DPP6: variants seen among roughly 807,000 people sequenced by gnomAD.
The protein encoded by DPP6 is A-type potassium channel modulatory protein DPP6.
DPP6 carries 69 observed loss-of-function variants against 122.6 expected under a neutral mutation model. That is an observed-to-expected ratio of 0.56 (90% CI 0.46 to 0.69). The LOEUF (loss-of-function observed/expected upper bound fraction) is 0.69, where lower values mean the gene tolerates loss of function less well. Ranked by LOEUF, DPP6 falls within the 30% of genes least tolerant of loss-of-function variation. DPP6 has a pLI of 0.00. For missense variants in DPP6, 928 were observed against 1,116.9 expected, an observed-to-expected ratio of 0.83 and a Z score of 2.41; for synonymous variants, 418 against 433.1, an observed-to-expected ratio of 0.97 and a Z score of 0.43.
intron 1 of DPP6, among the ~76,000 whole-genome samples, chr7:154,273,186 C>G (rs1022296720): frequency 3.3e-5 from 5 of 152,120 alleles, no homozygotes; most frequent in Non-Finnish European, 7.4e-5. Flanking sequence ...TTGCAATTCC[C>G]AATAATGTAG....
intron 1 of DPP6, among the ~76,000 whole-genome samples, chr7:154,331,067 C>T (rs947411787): frequency 6.6e-6 from 1 of 152,184 alleles, no homozygotes; most frequent in African/African-American, 2.4e-5. Context: ...CAGTCATCTC[C>T]CCTCCGACAA....
At chr7:154,417,256 T>C (rs1329773706) in intron 1 of DPP6, among the ~76,000 whole-genome samples, 3 of 152,214 alleles carry the variant, frequency 2.0e-5, no homozygotes, top group Non-Finnish European at 4.4e-5. Context: ...CTGTCTGTGG[T>C]TGCAATGCTT....
rs144559628 is a variant in DPP6, at chr7:154,324,492, C to T, written c.244-121722C>T. Among the ~76,000 whole-genome samples the T allele has an allele frequency of 1.0e-3, 157 of 152,298 alleles. 2 individuals carry two copies. In the East Asian group the frequency reaches 0.02, roughly 19 times the overall value. On this transcript the variant is annotated intron_variant, in intron 1 of 25. Coordinates refer to ENST00000377770, the MANE Select transcript of DPP6 (RefSeq NM_130797.4). The stretch of plus-strand genomic sequence containing the variant: ...TCAGCTTGACTTCTTCCTCTTACCA[C>T]GGGGTGACCCCGGTGTGATCTCCCC...
chr7:154,386,852 C>T (rs1234750206), intron 1 of DPP6, among the ~76,000 whole-genome samples: 2 of 152,194 alleles, frequency 1.3e-5, no homozygotes, highest in Non-Finnish European at 2.9e-5. Flanking sequence ...GATGAAGCAC[C>T]CCGTGGGTGA....
intron 1 of DPP6, among the ~76,000 whole-genome samples, chr7:153,929,981 A>C (rs1801099287): frequency 6.6e-6 from 1 of 152,214 alleles, no homozygotes; most frequent in Non-Finnish European, 1.5e-5. Context: ...TTAATGGGAA[A>C]GTTCCTATCC....
At chr7:154,315,263 G>A (rs895186853) in intron 1 of DPP6, among the ~76,000 whole-genome samples, 1 of 152,182 alleles carries the variant, frequency 6.6e-6, no homozygotes, top group Non-Finnish European at 1.5e-5. Flanking sequence ...GAGTGTGAGG[G>A]AGAGGAATCC....
At chr7:154,572,585 C>T (rs1381284068) in intron 5 of DPP6, among the ~76,000 whole-genome samples, 2 of 131,720 alleles carry the variant, frequency 1.5e-5, no homozygotes, top group South Asian at 2.4e-4. Flanking sequence ...GGCGTGATCT[C>T]GACTCACTGC....
At chr7:154,257,287 A>C (rs1323695025) in intron 1 of DPP6, among the ~76,000 whole-genome samples, 3 of 151,752 alleles carry the variant, frequency 2.0e-5, no homozygotes, top group Admixed American at 2.0e-4. Context: ...GTTGTAATGA[A>C]ACTTCTCGAT....
At chr7:154,051,479 G>A (rs1192284391), upstream of DPP6, among the ~76,000 whole-genome samples, 2 of 150,280 alleles carry the variant, frequency 1.3e-5, no homozygotes, top group Non-Finnish European at 3.0e-5. Flanking sequence ...GGCCGGGCCT[G>A]GAGCGGAGGA....
At chr7:154,619,214 G>A (rs878942029) in intron 5 of DPP6, among the ~76,000 whole-genome samples, 8 of 152,162 alleles carry the variant, frequency 5.3e-5, no homozygotes, top group Admixed American at 2.0e-4. Flanking sequence ...AGACTAATAC[G>A]CACATACCAT....
chr7:154,020,510 G>T (rs1387681944), intron 1 of DPP6, among the ~76,000 whole-genome samples: 1 of 151,994 alleles, frequency 6.6e-6, no homozygotes, highest in Non-Finnish European at 1.5e-5. Context: ...TTGGGACCAG[G>T]TCTTCTGGTT....
intron 1 of DPP6, among the ~76,000 whole-genome samples, chr7:154,067,619 A>G (rs1003235156): frequency 4.6e-5 from 7 of 152,098 alleles, no homozygotes; most frequent in Non-Finnish European, 8.8e-5. Context: ...GACTTTTTTT[A>G]AGGTCATGGG....
chr7:154,471,357 G>A (rs1294573835), intron 2 of DPP6, among the ~76,000 whole-genome samples: 3 of 152,072 alleles, frequency 2.0e-5, no homozygotes, highest in Non-Finnish European at 4.4e-5. Flanking sequence ...GAAGGAACAG[G>A]TAAAAACCTA....
At chr7:154,812,159 G>A (rs1427703155) in intron 16 of DPP6, among the ~76,000 whole-genome samples, 2 of 152,186 alleles carry the variant, frequency 1.3e-5, no homozygotes. Context: ...ACATGTCCCT[G>A]AGAGCAGATA....
intron 8 of DPP6, among the ~76,000 whole-genome samples, chr7:154,756,824 C>A (rs114891520): frequency 0.014 from 2,100 of 152,178 alleles, 53 homozygotes; most frequent in African/African-American, 0.047. Flanking sequence ...AATGAAGGCG[C>A]ATTAGGCCCG....
At chr7:154,095,568 G>C (rs1805266614) in intron 1 of DPP6, 1 of 132,364 alleles carries the variant, frequency 7.6e-6, no homozygotes, top group South Asian at 2.8e-4. Context: ...AAGTAGAAAG[G>C]GGAAGCTTTA....
intron 5 of DPP6, among the ~76,000 whole-genome samples, chr7:154,616,167 C>T (rs1000050455): frequency 6.6e-6 from 1 of 152,144 alleles, no homozygotes; most frequent in African/African-American, 2.4e-5. Flanking sequence ...ACTGAAAAGC[C>T]CGCCTACCCA....
intron 1 of DPP6, among the ~76,000 whole-genome samples, chr7:154,206,493 G>A (rs1345493887): frequency 1.3e-5 from 2 of 152,138 alleles, no homozygotes; most frequent in Admixed American, 1.3e-4. Flanking sequence ...AGCTCGCAAA[G>A]CAACCTTTTC....
At chr7:154,141,320 C>A (rs939299031) in intron 1 of DPP6, among the ~76,000 whole-genome samples, 1 of 152,198 alleles carries the variant, frequency 6.6e-6, no homozygotes, top group Non-Finnish European at 1.5e-5. Flanking sequence ...ACCATATGCA[C>A]CTTACGACTC....
Sources: gnomAD v4.1 joint callset for allele counts (sites outside exome capture counted in the v4.1 genomes callset) on GRCh38, gnomAD v4.1.1 for gene constraint, MANE v1.5 for transcripts, NCBI Gene and HGNC (gene_info 2026-07-23, HGNC 2026-07-21) for gene names.